RALA: variants seen among roughly 807,000 people sequenced by gnomAD.
RALA encodes the protein ras-related protein Ral-A.
In RALA, 5 loss-of-function variants were observed where a neutral mutation model predicts 24.0. The observed-to-expected ratio is 0.21, with a 90% CI of 0.11 to 0.44. The LOEUF is 0.44. RALA is among the 20% of genes least tolerant of loss of function. RALA has a pLI of 0.99. For missense variants in RALA, 95 were observed against 241.2 expected (o/e 0.39, Z 4.01); for synonymous variants, 77 against 83.8 (o/e 0.92, Z 0.44).
At chr7:39,667,967 A>G (rs956016846) in intron 1 of RALA, among the ~76,000 whole-genome samples, 6 of 152,248 alleles carry the variant, frequency 3.9e-5, no homozygotes, top group African/African-American at 1.2e-4. Context: ...GAAACTTACT[A>G]TAGTGGACTG....
intron 1 of RALA, among the ~76,000 whole-genome samples, chr7:39,628,927 T>G (rs1467931640): frequency 6.6e-6 from 1 of 152,230 alleles, no homozygotes; most frequent in Non-Finnish European, 1.5e-5. Flanking sequence ...AGTAGCTGTG[T>G]GAAAAGATAA....
chr7:39,695,220 C>T (rs757468430), intron 3 of RALA, among the ~76,000 whole-genome samples: 4 of 151,972 alleles, frequency 2.6e-5, no homozygotes, highest in Non-Finnish European at 2.9e-5. Context: ...TTATGGATAC[C>T]GACATTCATG....
intron 1 of RALA, among the ~76,000 whole-genome samples, chr7:39,649,149 A>G (rs1157453360): frequency 3.3e-5 from 5 of 152,214 alleles, no homozygotes; most frequent in African/African-American, 1.2e-4. Context: ...AAGCTAAGAG[A>G]GAAGCAGGTT....
intron 1 of RALA, among the ~76,000 whole-genome samples, chr7:39,667,888 T>G (rs1792312274): frequency 1.3e-5 from 2 of 152,150 alleles, no homozygotes; most frequent in South Asian, 4.1e-4. Flanking sequence ...AAGTGAAACT[T>G]TAAATACCCA....
At chr7:39,644,198 T>A (rs1562609773) in intron 1 of RALA, among the ~76,000 whole-genome samples, 1 of 150,356 alleles carries the variant, frequency 6.7e-6, no homozygotes, top group East Asian at 1.9e-4. Flanking sequence ...GGGAAATTCC[T>A]ATGTTTTTTT....
intron 1 of RALA, among the ~76,000 whole-genome samples, chr7:39,682,385 C>G (rs1024265334): frequency 6.6e-6 from 1 of 152,178 alleles, no homozygotes; most frequent in African/African-American, 2.4e-5. Context: ...CCTATACTTT[C>G]AACTCTTGAT....
chr7:39,645,443 C>T (rs1280129844), intron 1 of RALA, among the ~76,000 whole-genome samples: 1 of 152,192 alleles, frequency 6.6e-6, no homozygotes, highest in East Asian at 1.9e-4. Context: ...ACAATTATGG[C>T]CTCATAAATG....
intron 1 of RALA, among the ~76,000 whole-genome samples, chr7:39,641,165 C>G (rs563014074): frequency 6.6e-6 from 1 of 152,242 alleles, no homozygotes; most frequent in South Asian, 2.1e-4. Flanking sequence ...GCTGGGCAGA[C>G]AAATCATATG....
chr7:39,624,459 A>G (rs1791444673), intron 1 of RALA: 1 of 152,186 alleles, frequency 6.6e-6, no homozygotes, highest in Non-Finnish European at 1.5e-5. Context: ...GGAAGAGAAT[A>G]CATTTTGGGA....
At chr7:39,652,013 G>T (rs1265300665) in intron 1 of RALA, among the ~76,000 whole-genome samples, 1 of 152,182 alleles carries the variant, frequency 6.6e-6, no homozygotes, top group Non-Finnish European at 1.5e-5. Flanking sequence ...AATTAGTAAA[G>T]AATAGAAATT....
At chr7:39,654,919 A>G (rs1360854072) in intron 1 of RALA, among the ~76,000 whole-genome samples, 1 of 151,996 alleles carries the variant, frequency 6.6e-6, no homozygotes, top group African/African-American at 2.4e-5. Context: ...TACCCAGCTA[A>G]TTTAGTTTTT....
chr7:39,630,250 A>C (rs1202338564), intron 1 of RALA, among the ~76,000 whole-genome samples: 2 of 139,566 alleles, frequency 1.4e-5, no homozygotes, highest in Admixed American at 1.5e-4. Context: ...TGGGGTTTTA[A>C]CATGTTGCCC....
intron 1 of RALA, among the ~76,000 whole-genome samples, chr7:39,681,471 A>T (rs1020159236): frequency 7.9e-5 from 12 of 151,338 alleles, no homozygotes; most frequent in Admixed American, 7.9e-4. Flanking sequence ...GGCATGCACT[A>T]CCCACCCCAT....
At chr7:39,660,645 C>T (rs752827675) in intron 1 of RALA, among the ~76,000 whole-genome samples, 15 of 151,928 alleles carry the variant, frequency 9.9e-5, no homozygotes, top group Non-Finnish European at 2.1e-4. Context: ...TACAGTTGAC[C>T]CTTGAACAAC....
chr7:39,695,616 C>T (rs1483762531), intron 3 of RALA, among the ~76,000 whole-genome samples: 2 of 151,954 alleles, frequency 1.3e-5, no homozygotes, highest in African/African-American at 4.8e-5. Flanking sequence ...GTTGCCTGGG[C>T]TGGTATTGAA....
At chr7:39,626,606 G>A (rs1791492407) in intron 1 of RALA, among the ~76,000 whole-genome samples, 1 of 152,144 alleles carries the variant, frequency 6.6e-6, no homozygotes, top group Non-Finnish European at 1.5e-5. Context: ...CAAATACAGT[G>A]TTATCACCGT....
chr7:39,690,454 C>T lies in RALA; in HGVS notation c.187C>T (p.Gln63Ter). The T allele has an allele frequency of 6.2e-7, 1 of 1,614,070 alleles. No homozygotes were observed. Among genetic ancestry groups the T allele is most frequent in the Non-Finnish European group, 8.5e-7 (1 of 1,179,958 alleles). Residue 63 changes from glutamine to a stop codon, truncating the protein, a stop_gained, in exon 3 of 5, where the codon CAG (glutamine) becomes TAG (stop). Coordinates refer to ENST00000005257, the MANE Select transcript of RALA (RefSeq NM_005402.4). LOFTEE classifies it high-confidence loss of function. Reference protein sequence around the residue: ...KKVVLDGEEVQIDILDTAGQE... With the variant: ...KKVVLDGEEV ...GGTAGTGCTAGATGGGGAGGAAGTC[C>T]AGATCGATATCTTAGATACAGCTGG... is the stretch of plus-strand genomic sequence containing the variant.
At chr7:39,673,120 G>C (rs890969042) in intron 1 of RALA, among the ~76,000 whole-genome samples, 1 of 152,016 alleles carries the variant, frequency 6.6e-6, no homozygotes, top group Non-Finnish European at 1.5e-5. Flanking sequence ...CTTGAGAGAC[G>C]GAGGTTGCAG....
At chr7:39,677,879 G>A (rs1158692190) in intron 1 of RALA, among the ~76,000 whole-genome samples, 3 of 121,436 alleles carry the variant, frequency 2.5e-5, no homozygotes, top group Non-Finnish European at 3.4e-5. Flanking sequence ...CATGTCCTTC[G>A]CCCACTTTTT....
Sources: gnomAD v4.1 joint callset for allele counts (sites outside exome capture counted in the v4.1 genomes callset) on GRCh38, gnomAD v4.1.1 for gene constraint, MANE v1.5 for transcripts, NCBI Gene and HGNC (gene_info 2026-07-23, HGNC 2026-07-21) for gene names.